CDH11: variants seen among roughly 807,000 people sequenced by gnomAD.
CDH11 encodes cadherin-11.
A neutral mutation model predicts 67.8 loss-of-function variants in CDH11; 11 were observed. That is an observed-to-expected ratio of 0.16 (90% CI 0.10 to 0.27). The LOEUF (loss-of-function observed/expected upper bound fraction) is 0.27, where lower values mean the gene tolerates loss of function less well. Among genes scored for constraint, CDH11 ranks in the 10% least tolerant of loss-of-function variants. The probability of loss-of-function intolerance (pLI) is 1.00; values close to 1 mark genes in which losing one functional copy is unlikely to be tolerated. For synonymous variants in CDH11, 419 were observed against 400.0 expected, an observed-to-expected ratio of 1.05 and a Z score of -0.57; for missense variants, 847 against 1,031.2, an observed-to-expected ratio of 0.82 and a Z score of 2.45.
intron 1 of CDH11, among the ~76,000 whole-genome samples, chr16:65,107,602 G>T (rs1278074425): frequency 1.3e-5 from 2 of 152,118 alleles, no homozygotes; most frequent in Non-Finnish European, 2.9e-5. Context: ...GGGACCTAGG[G>T]AATAAAGTCC....
At chr16:65,014,956 A>G (rs149402925) in intron 2 of CDH11, among the ~76,000 whole-genome samples, 7,515 of 151,464 alleles carry the variant, frequency 0.05, 274 homozygotes, top group Non-Finnish European at 0.07. Context: ...CCTGGGTTCA[A>G]GTGATTCTCC....
chr16:64,972,311 G>A (rs1240655449), intron 9 of CDH11, among the ~76,000 whole-genome samples: 2 of 152,186 alleles, frequency 1.3e-5, no homozygotes, highest in African/African-American at 4.8e-5. Context: ...CTTTGATGCT[G>A]AGCTTTAATT....
intron 1 of CDH11, among the ~76,000 whole-genome samples, chr16:65,108,725 C>A (rs1397295177): frequency 2.0e-5 from 3 of 151,790 alleles, no homozygotes; most frequent in African/African-American, 7.3e-5. Flanking sequence ...AATGAGTAGA[C>A]AATTGAAAGT....
intron 1 of CDH11, among the ~76,000 whole-genome samples, chr16:65,076,774 C>T (rs946921086): frequency 1.5e-4 from 22 of 142,326 alleles, no homozygotes; most frequent in South Asian, 2.3e-4. Context: ...TGAGAACATA[C>T]GGTGCTTGGT....
At chr16:65,008,084 G>A (rs1355374262) in intron 2 of CDH11, among the ~76,000 whole-genome samples, 1 of 152,316 alleles carries the variant, frequency 6.6e-6, no homozygotes, top group Non-Finnish European at 1.5e-5. Flanking sequence ...TAGAAAGAAA[G>A]GGTTTAATTA....
chr16:64,983,311 G>A (rs1341483885), intron 7 of CDH11: 1 of 152,114 alleles, frequency 6.6e-6, no homozygotes. Flanking sequence ...TTGAATGAGA[G>A]GAGTTACAGT....
chr16:65,066,765 A>G (rs1024909323), intron 1 of CDH11, among the ~76,000 whole-genome samples: 2 of 152,216 alleles, frequency 1.3e-5, no homozygotes, highest in African/African-American at 4.8e-5. Context: ...CTGCTCCTCC[A>G]GTCCCTGTGA....
In CDH11 at chr16:64,949,875, C is replaced by T. The variant is rs574174031; in HGVS notation, c.1894+892G>A. Among the ~76,000 whole-genome samples, 456 of 152,280 alleles carry T rather than the reference C, an allele frequency of 3.0e-3. 2 individuals are homozygous for T. Among genetic ancestry groups the T allele is most frequent in the African/African-American group, 0.011 (451 of 41,556 alleles). ...TCTCATAGACTTCTTCTCTTTATCC[C>T]CCAGGACCTAACATAGGGCCCGTTG... On this transcript the variant is annotated intron_variant, in intron 12 of 12. Transcript: ENST00000268603.
intron 1 of CDH11, among the ~76,000 whole-genome samples, chr16:65,064,031 A>G (rs1474167828): frequency 6.6e-6 from 1 of 152,204 alleles, no homozygotes; most frequent in East Asian, 1.9e-4. Context: ...GGCCATCTTC[A>G]AGAGGACACT....
intron 1 of CDH11, among the ~76,000 whole-genome samples, chr16:65,067,598 C>T (rs2074335602): frequency 6.6e-6 from 1 of 152,030 alleles, no homozygotes; most frequent in African/African-American, 2.4e-5. Context: ...AAATGGAGCT[C>T]ATTCATTGTT....
At chr16:64,981,791 G>A (rs1045077385) in intron 8 of CDH11, 3 of 356,278 alleles carry the variant, frequency 8.4e-6, no homozygotes, top group Non-Finnish European at 5.0e-6. Flanking sequence ...CCCAGCTCAG[G>A]GCTCCGTCAC....
At chr16:65,122,129 T>TGGGGGGGGGGGGGGGGGGGGGG, upstream of CDH11, 1 of 56,106 alleles carries the variant, frequency 1.8e-5, no homozygotes, top group Non-Finnish European at 3.4e-5. Context: ...GGCAGGCGGG[T>TGGGGGGGGGGGGGGGGGGGGGG]GCGGGGCGGG....
intron 1 of CDH11, among the ~76,000 whole-genome samples, chr16:65,103,449 A>G (rs2075024111): frequency 6.6e-6 from 1 of 152,176 alleles, no homozygotes. Flanking sequence ...AGATGCCTAC[A>G]TGAGGAAATA....
chr16:64,948,766 G>A (rs778622581), intron 12 of CDH11: 2 of 1,600,422 alleles, frequency 1.2e-6, no homozygotes, highest in African/African-American at 1.3e-5. Context: ...GGGAGAGGGG[G>A]GTTCCATTAA....
chr16:65,123,373 G>T (rs903066354), upstream of CDH11, among the ~76,000 whole-genome samples: 2 of 152,000 alleles, frequency 1.3e-5, no homozygotes, highest in East Asian at 3.9e-4. Context: ...AAAAGACGGG[G>T]AAGGAGGCTG....
chr16:65,111,569 G>A (rs1445005565), intron 1 of CDH11, among the ~76,000 whole-genome samples: 1 of 152,090 alleles, frequency 6.6e-6, no homozygotes, highest in Non-Finnish European at 1.5e-5. Flanking sequence ...CTAATGTAAT[G>A]TAGCCTCAGG....
At chr16:65,029,511 G>T (rs1291587078) in intron 2 of CDH11, among the ~76,000 whole-genome samples, 1 of 152,158 alleles carries the variant, frequency 6.6e-6, no homozygotes, top group East Asian at 1.9e-4. Context: ...ATACAAAGAT[G>T]TGATGTTTTC....
At chr16:65,090,274 G>C (rs2074771912) in intron 1 of CDH11, among the ~76,000 whole-genome samples, 1 of 151,962 alleles carries the variant, frequency 6.6e-6, no homozygotes, top group Non-Finnish European at 1.5e-5. Flanking sequence ...CCAACATTGT[G>C]TTCCTGCTTT....
intron 2 of CDH11, among the ~76,000 whole-genome samples, chr16:65,013,146 G>A (rs1034489922): frequency 6.6e-6 from 1 of 152,152 alleles, no homozygotes; most frequent in Admixed American, 6.5e-5. Context: ...TCATTTTGAA[G>A]GTCTAGGTCC....
Sources: gnomAD v4.1 joint callset for allele counts (sites outside exome capture counted in the v4.1 genomes callset) on GRCh38, gnomAD v4.1.1 for gene constraint, MANE v1.5 for transcripts, NCBI Gene and HGNC (gene_info 2026-07-23, HGNC 2026-07-21) for gene names.